Variants in SLC22A4 observed in about 807,000 individuals in gnomAD.
The protein encoded by SLC22A4 is ET transporter.
A neutral mutation model predicts 56.6 loss-of-function variants in SLC22A4; 39 were observed. The ratio of observed to expected loss-of-function variants is 0.69; its 90% CI spans 0.53 to 0.90. The LOEUF (loss-of-function observed/expected upper bound fraction) is 0.90, where lower values mean the gene tolerates loss of function less well. Ranked by LOEUF, SLC22A4 falls within the 40% of genes least tolerant of loss-of-function variation. The pLI is 0.00. For synonymous variants in SLC22A4, 241 were observed against 281.4 expected (o/e 0.86, Z 1.44); for missense variants, 594 against 696.5 (o/e 0.85, Z 1.66).
At chr5:132,296,034 A>G (rs532578505) in intron 1 of SLC22A4, among the ~76,000 whole-genome samples, 5 of 152,344 alleles carry the variant, frequency 3.3e-5, no homozygotes, top group African/African-American at 1.2e-4. Context: ...TGTTACTGAG[A>G]AGGCTAACAT....
chr5:132,299,744 G>A lies in SLC22A4; in HGVS notation c.393+4735G>A, dbSNP rs139175584. Among the ~76,000 whole-genome samples, 1,199 of 152,266 alleles carry A rather than the reference G, an allele frequency of 7.9e-3. 16 individuals are homozygous for A. Among genetic ancestry groups the A allele is most frequent in the Non-Finnish European group, 8.6e-3 (588 of 68,008 alleles). ...GTTGGGATTACAGGCGTGAGCCACCGCGCCTGGCGATTATTTTTTAACTTT... is the reference window on the plus strand; with the variant it reads ...GTTGGGATTACAGGCGTGAGCCACCACGCCTGGCGATTATTTTTTAACTTT... On this transcript the variant is annotated intron_variant, in intron 1 of 9. Transcript: ENST00000200652.
rs760787423 is a variant in SLC22A4, at chr5:132,294,606, C to T, written c.-11C>T. 4.3e-6 allele frequency: 7 copies of T among 1,614,166 alleles called. No homozygotes were observed. In the East Asian group the frequency reaches 1.3e-4, roughly 31 times the overall value. On this transcript the variant is annotated 5_prime_UTR_variant, in exon 1 of 10. Coordinates refer to ENST00000200652, the MANE Select transcript of SLC22A4 (RefSeq NM_003059.3). The surrounding 1 kb of genome is among the most constrained non-coding windows in gnomAD (Gnocchi z 5.6). ...CCCGTAGTTGCAAGTTTCGGAGCGGCAGTGGGAAGCATGCGGGACTACGAC... is the reference window on the plus strand; with the variant it reads ...CCCGTAGTTGCAAGTTTCGGAGCGGTAGTGGGAAGCATGCGGGACTACGAC...
intron 1 of SLC22A4, among the ~76,000 whole-genome samples, chr5:132,297,349 A>C (rs755903471): frequency 2.6e-5 from 4 of 151,890 alleles, no homozygotes; most frequent in Admixed American, 6.6e-5. Context: ...ACAACAACAA[A>C]AAACTGGGCT....
chr5:132,330,307 C>T (rs1339806712), intron 5 of SLC22A4, among the ~76,000 whole-genome samples: 1 of 152,218 alleles, frequency 6.6e-6, no homozygotes, highest in African/African-American at 2.4e-5. Flanking sequence ...GTCACAAAGT[C>T]CTGGTACTTC....
rs1749727414 is a variant in SLC22A4, at chr5:132,294,540, C to A, written c.-77C>A. 1.2e-6 allele frequency: 2 copies of A among 1,600,140 alleles called. No homozygotes were observed. Among genetic ancestry groups the A allele is most frequent in the South Asian group, 1.1e-5 (1 of 90,702 alleles). On this transcript the variant is annotated 5_prime_UTR_variant, in exon 1 of 10. Transcript: ENST00000200652. The surrounding 1 kb of genome is among the most constrained non-coding windows in gnomAD (Gnocchi z 5.6). ...GGAACGTTCTAACATCCTTGGGGAG[C>A]GCCCCAGCTACAAGACACTGTCCTG...
At chr5:132,306,401 A>AGT (rs1750035178) in intron 1 of SLC22A4, among the ~76,000 whole-genome samples, 5 of 39,208 alleles carry the variant, frequency 1.3e-4, no homozygotes, top group East Asian at 6.2e-3. Context: ...ATATATATAT[A>AGT]TATATATATA....
chr5:132,335,513 A>C (rs1010898597), intron 7 of SLC22A4, among the ~76,000 whole-genome samples: 5 of 152,252 alleles, frequency 3.3e-5, no homozygotes, highest in African/African-American at 1.2e-4. Flanking sequence ...AAACTTAACT[A>C]TATTAACATG....
intron 3 of SLC22A4, among the ~76,000 whole-genome samples, chr5:132,316,227 T>C (rs1003381945): frequency 3.3e-5 from 5 of 152,258 alleles, no homozygotes; most frequent in African/African-American, 9.6e-5. Flanking sequence ...AGTCCTTGTT[T>C]TGTGCTGCTT....
chr5:132,319,216 C>T (rs1580832879), intron 3 of SLC22A4, among the ~76,000 whole-genome samples: 1 of 150,710 alleles, frequency 6.6e-6, no homozygotes, highest in South Asian at 2.1e-4. Context: ...GCAGGAAAAT[C>T]GCTTGAACCC....
chr5:132,338,608 A>G (rs1751102876), intron 8 of SLC22A4, among the ~76,000 whole-genome samples: 1 of 152,184 alleles, frequency 6.6e-6, no homozygotes. Flanking sequence ...GCCATTTTAG[A>G]GGCCTACCCT....
rs1750193382 is a variant in SLC22A4, at chr5:132,312,008, G to A, written c.394-153G>A. The A allele has an allele frequency of 9.5e-6, 7 of 735,844 alleles. No homozygotes were observed. In the South Asian group the frequency reaches 9.9e-5, roughly 10 times the overall value. 45.6% of individuals were successfully genotyped at this position (735,844 alleles called of 1,614,324 possible). A position where few individuals can be genotyped will look rare whatever the true frequency, so the allele number is the denominator to read the frequency against. On this transcript the variant is annotated intron_variant, in intron 1 of 9. Coordinates refer to ENST00000200652, the MANE Select transcript of SLC22A4 (RefSeq NM_003059.3). ...CCGGCACAGGCCAGTCAAACCCAGGGCTGCAAGGCCTATGCCCTTTGTACA... is the reference window on the plus strand; with the variant it reads ...CCGGCACAGGCCAGTCAAACCCAGGACTGCAAGGCCTATGCCCTTTGTACA...
chr5:132,343,484 C>CT (rs1751280634), intron 9 of SLC22A4, among the ~76,000 whole-genome samples: 2 of 152,202 alleles, frequency 1.3e-5, no homozygotes, highest in African/African-American at 4.8e-5. Flanking sequence ...TCAGTATCAA[C>CT]TTTAATTGCC....
intron 8 of SLC22A4, among the ~76,000 whole-genome samples, chr5:132,339,174 T>G (rs899894963): frequency 7.2e-5 from 11 of 152,182 alleles, no homozygotes; most frequent in Admixed American, 7.2e-4. Flanking sequence ...ATCTTTTTCT[T>G]TTTGACTTGT....
intron 1 of SLC22A4, among the ~76,000 whole-genome samples, chr5:132,307,473 T>C (rs1750068345): frequency 6.6e-6 from 1 of 152,252 alleles, no homozygotes; most frequent in African/African-American, 2.4e-5. Context: ...TTAGAATTTC[T>C]TTCTCTTAGT....
chr5:132,339,164 A>G (rs1256280825), intron 8 of SLC22A4, among the ~76,000 whole-genome samples: 1 of 152,180 alleles, frequency 6.6e-6, no homozygotes, highest in Non-Finnish European at 1.5e-5. Flanking sequence ...AGGTGTATTC[A>G]TCTTTTTCTT....
chr5:132,297,331 AAAC>A (rs200105136), intron 1 of SLC22A4, among the ~76,000 whole-genome samples: 5,987 of 151,924 alleles, frequency 0.039, 323 homozygotes, highest in African/African-American at 0.12. Context: ...ACAAACAAAC[AAAC>A]AACAACAACA....
intron 1 of SLC22A4, among the ~76,000 whole-genome samples, chr5:132,305,523 C>T (rs530336226): frequency 2.2e-4 from 33 of 152,150 alleles, no homozygotes; most frequent in Admixed American, 1.2e-3. Context: ...GAGACAAAAA[C>T]GAAGGGAAAA....
At chr5:132,308,417 C>T (rs918662923) in intron 1 of SLC22A4, among the ~76,000 whole-genome samples, 4 of 105,572 alleles carry the variant, frequency 3.8e-5, no homozygotes, top group Admixed American at 1.4e-4. Flanking sequence ...TTTACCAATT[C>T]ACTAGGAGAA....
Position 132,294,802 on chromosome 5 carries a change from G to A in SLC22A4, c.186G>A (p.Trp62Ter). The change falls in exon 1 of 10, where the codon TGG becomes TGA. Residue 62 changes from tryptophan (W) to a stop codon, truncating the protein, a stop_gained. Transcript: ENST00000200652. LOFTEE classifies it high-confidence loss of function. This position sits in a 1 kb window ranked among gnomAD's most constrained non-coding sequence, Gnocchi z 5.6. ...ACGCCGCGAACCTGAGCAGCGCCTG[G>A]CGCAACAACAGTGTCCCGCTGCGGC... ...VPDAANLSSA[W>*]RNNSVPLRLR... The A allele has an allele frequency of 6.2e-7, 1 of 1,612,984 alleles. No individual in the cohort carries two copies. Among genetic ancestry groups the A allele is most frequent in the South Asian group, 1.1e-5 (1 of 91,068 alleles).
Sources: gnomAD v4.1 joint callset for allele counts (sites outside exome capture counted in the v4.1 genomes callset) on GRCh38, gnomAD v4.1.1 for gene constraint, Gnocchi (gnomAD v3.1) non-coding constraint, MANE v1.5 for transcripts, NCBI Gene and HGNC (gene_info 2026-07-23, HGNC 2026-07-21) for gene names.